The following COMMD1 variants were observed in gnomAD, a reference collection of about 807,000 sequenced individuals.
The protein encoded by COMMD1 is COMM domain-containing protein 1.
A neutral mutation model predicts 17.2 loss-of-function variants in COMMD1; 10 were observed. That is an observed-to-expected ratio of 0.58 (90% CI 0.36 to 0.99). The LOEUF is 0.99. Ranked by LOEUF, COMMD1 falls within the 50% of genes least tolerant of loss-of-function variation. The pLI is 0.01. For missense variants in COMMD1, 270 were observed against 231.8 expected (o/e 1.17, Z -1.07); for synonymous variants, 97 against 91.6 (o/e 1.06, Z -0.34).
intron 2 of COMMD1, among the ~76,000 whole-genome samples, chr2:62,027,096 A>T (rs1262925793): frequency 6.6e-6 from 1 of 152,134 alleles, no homozygotes; most frequent in Non-Finnish European, 1.5e-5. Flanking sequence ...ATTTTTATTC[A>T]CTTTTGTCAA....
chr2:62,063,868 A>ATATATATATATATATATATATATAT (rs1670947199), intron 2 of COMMD1, among the ~76,000 whole-genome samples: 6 of 81,176 alleles, frequency 7.4e-5, no homozygotes, highest in African/African-American at 1.5e-4. Flanking sequence ...GTCTCTACAA[A>ATATATATATATATATATATATATAT]ATATATATAT....
At chr2:62,037,077 A>C (rs1305550804) in intron 2 of COMMD1, among the ~76,000 whole-genome samples, 1 of 152,008 alleles carries the variant, frequency 6.6e-6, no homozygotes, top group Non-Finnish European at 1.5e-5. Context: ...GCTCTTTACC[A>C]TTTGCATTTC....
At chr2:62,074,985 G>T (rs1671302203) in intron 2 of COMMD1, among the ~76,000 whole-genome samples, 1 of 151,006 alleles carries the variant, frequency 6.6e-6, no homozygotes, top group Non-Finnish European at 1.5e-5. Flanking sequence ...TGCCTCCCGG[G>T]TTCAAGCGAT....
chr2:61,941,080 T>G (rs1239185212), intron 1 of COMMD1, among the ~76,000 whole-genome samples: 17 of 150,294 alleles, frequency 1.1e-4, no homozygotes, highest in African/African-American at 2.5e-5. Flanking sequence ...CAGGCTGGAG[T>G]GCGGTGGCGC....
chr2:61,992,279 A>G (rs1308431433), intron 1 of COMMD1, among the ~76,000 whole-genome samples: 1 of 152,232 alleles, frequency 6.6e-6, no homozygotes, highest in East Asian at 1.9e-4. Context: ...TCAAAGTACA[A>G]GTTGTATTAA....
In COMMD1 at chr2:61,971,417, G is replaced by A. The variant is rs923079778; in HGVS notation, c.181-29284G>A. On this transcript the variant is annotated intron_variant, in intron 1 of 2. Coordinates refer to ENST00000311832, the MANE Select transcript of COMMD1 (RefSeq NM_152516.4). ...GAGGAATGGGAAGGGTGTCTGTAAT[G>A]AGCTAGAAAGTTAGTCCTCTTTCCA... Among the ~76,000 whole-genome samples, 28 of 152,288 alleles carry A rather than the reference G, an allele frequency of 1.8e-4. 1 individual carries two copies. Among genetic ancestry groups the A allele is most frequent in the Admixed American group, 1.7e-3 (26 of 15,294 alleles).
At chr2:62,002,189 A>T (rs1668964891) in intron 2 of COMMD1, among the ~76,000 whole-genome samples, 1 of 150,066 alleles carries the variant, frequency 6.7e-6, no homozygotes. Context: ...AATTTTTTTT[A>T]AATAATAAAA....
At chr2:62,056,210 A>T (rs1670696804) in intron 2 of COMMD1, among the ~76,000 whole-genome samples, 1 of 152,154 alleles carries the variant, frequency 6.6e-6, no homozygotes, top group Non-Finnish European at 1.5e-5. Context: ...GAAAAATGTC[A>T]CCTGAACTTA....
intron 1 of COMMD1, among the ~76,000 whole-genome samples, chr2:61,966,679 T>C (rs931214483): frequency 3.3e-5 from 5 of 151,956 alleles, no homozygotes; most frequent in Admixed American, 6.6e-5. Context: ...TTGTGAGAAA[T>C]GAAGTTGCCT....
intron 2 of COMMD1, among the ~76,000 whole-genome samples, chr2:62,080,436 G>C (rs1671484320): frequency 6.6e-6 from 1 of 152,172 alleles, no homozygotes; most frequent in Non-Finnish European, 1.5e-5. Flanking sequence ...CTTGGTGTTT[G>C]TTCGTTGGTG....
intron 2 of COMMD1, among the ~76,000 whole-genome samples, chr2:62,126,924 G>C (rs770242416): frequency 2.6e-5 from 4 of 152,166 alleles, no homozygotes; most frequent in Non-Finnish European, 4.4e-5. Flanking sequence ...AATAGGAAGA[G>C]AGGAAGTCAA....
intron 1 of COMMD1, among the ~76,000 whole-genome samples, chr2:61,964,918 C>T (rs532166808): frequency 3.3e-5 from 5 of 152,222 alleles, no homozygotes; most frequent in Middle Eastern, 3.4e-3. Context: ...TGCCTGTAGT[C>T]CCAGCTGCTT....
chr2:62,123,639 T>G (rs1672812674), intron 2 of COMMD1, among the ~76,000 whole-genome samples: 1 of 151,708 alleles, frequency 6.6e-6, no homozygotes, highest in African/African-American at 2.4e-5. Context: ...TACCTATGGA[T>G]CTGTGTGTGT....
intron 2 of COMMD1, among the ~76,000 whole-genome samples, chr2:62,063,812 C>T (rs1414905479): frequency 2.8e-5 from 4 of 141,156 alleles, no homozygotes; most frequent in East Asian, 2.1e-4. Context: ...CATATCTGGT[C>T]ATTTAAAGTA....
At chr2:62,098,993 A>G (rs369750516) in intron 2 of COMMD1, among the ~76,000 whole-genome samples, 19 of 152,330 alleles carry the variant, frequency 1.2e-4, no homozygotes, top group African/African-American at 4.3e-4. Flanking sequence ...GATTTGGTCC[A>G]GGGGCTATAC....
At chr2:62,008,800 T>G (rs1261565225) in intron 2 of COMMD1, among the ~76,000 whole-genome samples, 2 of 152,108 alleles carry the variant, frequency 1.3e-5, no homozygotes, top group African/African-American at 4.8e-5. Flanking sequence ...ATTTACTTAC[T>G]TACAGAGTCT....
At chr2:61,961,209 T>G (rs1165064233) in intron 1 of COMMD1, among the ~76,000 whole-genome samples, 1 of 152,250 alleles carries the variant, frequency 6.6e-6, no homozygotes, top group Non-Finnish European at 1.5e-5. Flanking sequence ...TCAGTAGCTG[T>G]CCAGCCACCA....
chr2:62,135,553 G>A (rs947936886), intron 2 of COMMD1, among the ~76,000 whole-genome samples: 6 of 151,996 alleles, frequency 3.9e-5, no homozygotes, highest in South Asian at 4.2e-4. Flanking sequence ...GGGTTTCACC[G>A]TGTTAGCCAG....
intron 1 of COMMD1, among the ~76,000 whole-genome samples, chr2:61,975,098 G>C (rs1179409944): frequency 6.9e-6 from 1 of 143,996 alleles, no homozygotes; most frequent in African/African-American, 2.6e-5. Context: ...GCCTTTCATG[G>C]CTCGATAGCT....
Sources: gnomAD v4.1 joint callset for allele counts (sites outside exome capture counted in the v4.1 genomes callset) on GRCh38, gnomAD v4.1.1 for gene constraint, MANE v1.5 for transcripts, NCBI Gene and HGNC (gene_info 2026-07-23, HGNC 2026-07-21) for gene names.